The following RBFOX1 variants were observed in gnomAD, a reference collection of about 807,000 sequenced individuals.
RBFOX1 encodes the protein RNA binding protein fox-1 homolog 1.
Under a neutral mutation model 57.7 loss-of-function variants are expected in RBFOX1, and 8 were observed. That is an observed-to-expected ratio of 0.14 (90% CI 0.08 to 0.25). The LOEUF (loss-of-function observed/expected upper bound fraction) is 0.25, where lower values mean the gene tolerates loss of function less well. RBFOX1 is among the 10% of genes least tolerant of loss of function. The probability of loss-of-function intolerance (pLI) is 1.00; values close to 1 mark genes in which losing one functional copy is unlikely to be tolerated. For synonymous variants in RBFOX1, 326 were observed against 222.4 expected, an observed-to-expected ratio of 1.47 and a Z score of -4.15; for missense variants, 611 against 548.5, an observed-to-expected ratio of 1.11 and a Z score of -1.14.
chr16:5,956,239 G>C (rs1186771266), intron 4 of RBFOX1, among the ~76,000 whole-genome samples: 1 of 152,156 alleles, frequency 6.6e-6, no homozygotes, highest in East Asian at 1.9e-4. Context: ...TTACTCCACT[G>C]CACTGCATCC....
intron 1 of RBFOX1, among the ~76,000 whole-genome samples, chr16:5,451,109 A>T (rs2151565637): frequency 6.6e-6 from 1 of 152,298 alleles, no homozygotes; most frequent in Non-Finnish European, 1.5e-5. Context: ...GAGTCCCTGA[A>T]CCACAGCCTC....
chr16:7,449,722 G>T lies in RBFOX1; in HGVS notation c.28-68425G>T, dbSNP rs969776050. On this transcript the variant is annotated intron_variant, in intron 4 of 15. Coordinates refer to ENST00000550418, the MANE Select transcript of RBFOX1 (RefSeq NM_018723.4). ...GAGAAAAAGAAACATGTATGTGTGT[G>T]TGTGTGTGGGGGGGGGGGGTTGTTT... 1.8e-4 allele frequency among the ~76,000 whole-genome samples: 17 copies of T among 96,596 alleles called. 1 individual carries two copies. Among genetic ancestry groups the T allele is most frequent in the Non-Finnish European group, 2.7e-4 (13 of 47,796 alleles). The allele number at this position is 96,596 out of a possible 152,430, so 63.4% of individuals were successfully genotyped here.
chr16:7,291,195 A>C (rs568518434), intron 4 of RBFOX1, among the ~76,000 whole-genome samples: 8 of 152,214 alleles, frequency 5.3e-5, no homozygotes, highest in Non-Finnish European at 7.3e-5. Context: ...TAAGATGTGC[A>C]GAACCAGCTT....
chr16:5,604,309 C>A (rs2047480617), downstream of RBFOX1, among the ~76,000 whole-genome samples: 1 of 152,224 alleles, frequency 6.6e-6, no homozygotes, highest in Non-Finnish European at 1.5e-5. Flanking sequence ...ACTGGGTTCT[C>A]TGCTTAGGTT....
At chr16:7,023,231 C>G (rs1314039503) in intron 3 of RBFOX1, among the ~76,000 whole-genome samples, 2 of 151,966 alleles carry the variant, frequency 1.3e-5, no homozygotes, top group African/African-American at 2.4e-5. Flanking sequence ...AATCCTATCA[C>G]TTTGGGAGGC....
chr16:5,917,627 C>T (rs72770913), intron 4 of RBFOX1, among the ~76,000 whole-genome samples: 5 of 152,268 alleles, frequency 3.3e-5, no homozygotes, highest in Non-Finnish European at 7.4e-5. Flanking sequence ...CCTCCTTTCT[C>T]CTGGGCCCTG....
At chr16:7,653,599 G>A (rs13338859) in intron 11 of RBFOX1, among the ~76,000 whole-genome samples, 3,032 of 152,196 alleles carry the variant, frequency 0.02, 99 homozygotes, top group African/African-American at 0.068. Flanking sequence ...CATTCTCCTG[G>A]GCAAAGGGCC....
At chr16:7,325,768 C>T (rs185630072) in intron 4 of RBFOX1, among the ~76,000 whole-genome samples, 5 of 152,298 alleles carry the variant, frequency 3.3e-5, no homozygotes, top group African/African-American at 1.2e-4. Context: ...GTCACATTGA[C>T]AACCCTTTTG....
chr16:6,988,724 C>G (rs1283077364), intron 3 of RBFOX1, among the ~76,000 whole-genome samples: 1 of 142,196 alleles, frequency 7.0e-6, no homozygotes, highest in East Asian at 2.0e-4. Context: ...GACATCACAC[C>G]CAGCTAATTT....
At chr16:6,725,658 T>C (rs2067018262) in intron 3 of RBFOX1, among the ~76,000 whole-genome samples, 1 of 152,220 alleles carries the variant, frequency 6.6e-6, no homozygotes, top group Non-Finnish European at 1.5e-5. Flanking sequence ...TTTAATTTCT[T>C]AATACATTTG....
chr16:5,251,241 C>G (rs969945439), intron 1 of RBFOX1, among the ~76,000 whole-genome samples: 9 of 152,352 alleles, frequency 5.9e-5, no homozygotes, highest in African/African-American at 1.9e-4. Flanking sequence ...GATCTCGAGG[C>G]CTGCCTTTGC....
intron 4 of RBFOX1, among the ~76,000 whole-genome samples, chr16:7,490,276 A>G (rs1420997885): frequency 6.6e-6 from 1 of 152,190 alleles, no homozygotes; most frequent in Non-Finnish European, 1.5e-5. Context: ...CGTTCATAAT[A>G]GATAAGTGTG....
chr16:5,610,591 T>G (rs1268854192), intron 3 of RBFOX1: 1 of 152,092 alleles, frequency 6.6e-6, no homozygotes, highest in Non-Finnish European at 1.5e-5. Context: ...CTTTGGAGGT[T>G]GAGGCAGGAG....
chr16:5,400,345 G>C (rs1175511842), intron 1 of RBFOX1, among the ~76,000 whole-genome samples: 2 of 151,692 alleles, frequency 1.3e-5, no homozygotes, highest in African/African-American at 4.8e-5. Context: ...GGCCCACCTT[G>C]GCCTCCCAAA....
At chr16:7,367,627 G>T (rs900701102) in intron 4 of RBFOX1, among the ~76,000 whole-genome samples, 3 of 152,238 alleles carry the variant, frequency 2.0e-5, no homozygotes, top group African/African-American at 7.2e-5. Flanking sequence ...ACAACATTCT[G>T]TATATGTGCA....
chr16:7,405,476 G>A (rs759256421), intron 4 of RBFOX1, among the ~76,000 whole-genome samples: 1 of 152,166 alleles, frequency 6.6e-6, no homozygotes. Context: ...TGGAACACTC[G>A]GGCTGTTCTG....
chr16:7,313,220 A>G (rs866196029), intron 4 of RBFOX1, among the ~76,000 whole-genome samples: 1 of 152,126 alleles, frequency 6.6e-6, no homozygotes, highest in African/African-American at 2.4e-5. Context: ...GGTTCCCTCA[A>G]CCAAATAATC....
intron 1 of RBFOX1, among the ~76,000 whole-genome samples, chr16:6,029,058 A>G (rs117031403): frequency 0.011 from 1,607 of 152,294 alleles, 22 homozygotes; most frequent in Middle Eastern, 0.051. Context: ...GTCAAGCAGC[A>G]ATCACACAGA....
intron 4 of RBFOX1, among the ~76,000 whole-genome samples, chr16:7,497,611 C>T (rs991434552): frequency 6.6e-6 from 1 of 152,184 alleles, no homozygotes; most frequent in Non-Finnish European, 1.5e-5. Context: ...TGTGAACCTA[C>T]TGGGGACCAG....
Sources: gnomAD v4.1 joint callset for allele counts (sites outside exome capture counted in the v4.1 genomes callset) on GRCh38, gnomAD v4.1.1 for gene constraint, MANE v1.5 for transcripts, NCBI Gene and HGNC (gene_info 2026-07-23, HGNC 2026-07-21) for gene names.